Variants in DACH2 observed in about 807,000 individuals in gnomAD.
The protein encoded by DACH2 is dachshund homolog 2.
In DACH2, 17 loss-of-function variants were observed where a neutral mutation model predicts 35.8. The observed-to-expected ratio is 0.48, with a 90% CI of 0.33 to 0.71. The LOEUF (loss-of-function observed/expected upper bound fraction) is 0.71. Ranked by LOEUF, DACH2 falls within the 30% of genes least tolerant of loss-of-function variation. The probability of loss-of-function intolerance (pLI) is 0.02; values close to 1 mark genes in which losing one functional copy is unlikely to be tolerated. For synonymous variants in DACH2, 195 were observed against 177.3 expected, an observed-to-expected ratio of 1.10 and a Z score of -0.79; for missense variants, 469 against 472.7, an observed-to-expected ratio of 0.99 and a Z score of 0.07.
intron 7 of DACH2, among the ~76,000 whole-genome samples, chrX:86,774,018 G>T (rs750564489): frequency 9.0e-6 from 1 of 111,013 alleles, no homozygotes; most frequent in East Asian, 2.8e-4. Flanking sequence ...CTTCTCCACG[G>T]TGGTTGTACT....
Position 86,319,336 on chromosome X carries a change from C to T in DACH2, c.489-57488C>T, listed in dbSNP as rs182527025. 2.1e-4 allele frequency among the ~76,000 whole-genome samples: 24 copies of T among 112,061 alleles called. No homozygotes were observed. The East Asian group carries it at 6.4e-3, about 30-fold the overall frequency. ...GTACATGTCCATGCCTTCTTATAAT[C>T]TTTAACTAAAAACATCTTTTACTGT... On this transcript the variant is annotated intron_variant, in intron 1 of 11. Transcript: ENST00000373125.
At chrX:86,449,850 T>G (rs2037338924) in intron 2 of DACH2, among the ~76,000 whole-genome samples, 1 of 111,574 alleles carries the variant, frequency 9.0e-6, no homozygotes, top group Admixed American at 9.6e-5. Flanking sequence ...TTTTAACAAA[T>G]TATTGTAATT....
chrX:86,490,090 T>C (rs1277321943), intron 2 of DACH2, among the ~76,000 whole-genome samples: 1 of 112,056 alleles, frequency 8.9e-6, no homozygotes, highest in Non-Finnish European at 1.9e-5. Flanking sequence ...CGTAGTTGCA[T>C]CCATGTGCTT....
intron 1 of DACH2, among the ~76,000 whole-genome samples, chrX:86,298,924 T>C (rs775906266): frequency 8.9e-6 from 1 of 112,245 alleles, no homozygotes; most frequent in South Asian, 3.6e-4. Flanking sequence ...AAATTTGTTG[T>C]GACTGTGAAA....
chrX:86,330,282 T>C (rs2035188672), intron 1 of DACH2, among the ~76,000 whole-genome samples: 1 of 112,368 alleles, frequency 8.9e-6, no homozygotes, highest in African/African-American at 3.2e-5. Flanking sequence ...ACATCAAAAA[T>C]CTTGATTAAC....
At chrX:86,642,495 C>A (rs5967749) in intron 3 of DACH2, among the ~76,000 whole-genome samples, 2 of 111,500 alleles carry the variant, frequency 1.8e-5, no homozygotes, top group Non-Finnish European at 3.8e-5. Flanking sequence ...TAGACTCCCA[C>A]AGAATAAGAG....
At chrX:86,479,248 T>C (rs2037898498) in intron 2 of DACH2, among the ~76,000 whole-genome samples, 1 of 111,005 alleles carries the variant, frequency 9.0e-6, no homozygotes, top group African/African-American at 3.3e-5. Flanking sequence ...GGGGTTTTTA[T>C]GGGTATAGGA....
At chrX:86,337,996 A>T (rs2035346001) in intron 1 of DACH2, among the ~76,000 whole-genome samples, 1 of 112,174 alleles carries the variant, frequency 8.9e-6, no homozygotes, top group African/African-American at 3.2e-5. Flanking sequence ...TGGTTAAGGG[A>T]TTAATGCAAC....
intron 1 of DACH2, among the ~76,000 whole-genome samples, chrX:86,348,893 G>C (rs2035541775): frequency 8.9e-6 from 1 of 112,518 alleles, no homozygotes; most frequent in Non-Finnish European, 1.9e-5. Context: ...AGGCAGACGG[G>C]CAGGTTGTGG....
intron 2 of DACH2, among the ~76,000 whole-genome samples, chrX:86,468,529 T>G (rs1445670149): frequency 8.9e-6 from 1 of 111,738 alleles, no homozygotes; most frequent in Non-Finnish European, 1.9e-5. Context: ...TTGTGTCAGT[T>G]AAAAGCCTAC....
At chrX:86,243,725 T>G (rs1416970004) in intron 1 of DACH2, among the ~76,000 whole-genome samples, 1 of 112,183 alleles carries the variant, frequency 8.9e-6, no homozygotes, top group Non-Finnish European at 1.9e-5. Flanking sequence ...AGACTGTAAG[T>G]AAAGCATAGA....
intron 3 of DACH2, among the ~76,000 whole-genome samples, chrX:86,546,427 C>A (rs2038970491): frequency 3.5e-5 from 3 of 86,582 alleles, no homozygotes; most frequent in South Asian, 5.6e-4. Context: ...CTTTCTTCTT[C>A]TTCTTCCTCT....
chrX:86,264,772 G>A (rs769851327), intron 1 of DACH2, among the ~76,000 whole-genome samples: 25 of 111,619 alleles, frequency 2.2e-4, no homozygotes, highest in Non-Finnish European at 4.7e-4. Flanking sequence ...AGGCCTGGTC[G>A]TGTTATGAAA....
intron 6 of DACH2, among the ~76,000 whole-genome samples, chrX:86,725,772 T>C (rs1023224486): frequency 1.7e-4 from 19 of 111,155 alleles, no homozygotes; most frequent in Admixed American, 1.3e-3. Context: ...AATCAAGTGG[T>C]TCATGCTCGT....
intron 3 of DACH2, among the ~76,000 whole-genome samples, chrX:86,632,266 A>T (rs1280785238): frequency 9.0e-6 from 1 of 111,326 alleles, no homozygotes; most frequent in Non-Finnish European, 1.9e-5. Flanking sequence ...CAATTATATG[A>T]AGTTTTCCAT....
chrX:86,250,243 G>C (rs1009890694), intron 1 of DACH2, among the ~76,000 whole-genome samples: 7 of 111,681 alleles, frequency 6.3e-5, no homozygotes, highest in African/African-American at 2.3e-4. Context: ...TGTGAATACT[G>C]TGCCATCTAT....
At chrX:86,681,664 T>C (rs910681463) in intron 4 of DACH2, among the ~76,000 whole-genome samples, 5 of 88,056 alleles carry the variant, frequency 5.7e-5, no homozygotes, top group African/African-American at 2.2e-4. Flanking sequence ...ATATGTTATA[T>C]ATAATTATAT....
intron 4 of DACH2, among the ~76,000 whole-genome samples, chrX:86,676,698 A>G (rs1442340772): frequency 8.9e-6 from 1 of 112,307 alleles, no homozygotes; most frequent in Non-Finnish European, 1.9e-5. Flanking sequence ...AGAAATAAGA[A>G]TGTAACCATA....
chrX:86,517,389 G>T (rs1161279090), intron 3 of DACH2, among the ~76,000 whole-genome samples: 1 of 109,356 alleles, frequency 9.1e-6, no homozygotes, highest in African/African-American at 3.3e-5. Flanking sequence ...TCTCCTTTTG[G>T]AAAGTGTCTG....
Sources: gnomAD v4.1 joint callset for allele counts (sites outside exome capture counted in the v4.1 genomes callset) on GRCh38, gnomAD v4.1.1 for gene constraint, MANE v1.5 for transcripts, NCBI Gene and HGNC (gene_info 2026-07-23, HGNC 2026-07-21) for gene names.